The following STAB2 variants were observed in gnomAD, a reference collection of about 807,000 sequenced individuals.
The protein encoded by STAB2 is stabilin 2.
In STAB2, 288 loss-of-function variants were observed where a neutral mutation model predicts 338.1. The observed-to-expected ratio is 0.85, with a 90% CI of 0.77 to 0.94. The LOEUF (loss-of-function observed/expected upper bound fraction) is 0.94, where lower values mean the gene tolerates loss of function less well. STAB2 is among the 40% of genes least tolerant of loss of function. STAB2 has a pLI of 0.00. For missense variants in STAB2, 3,141 were observed against 3,210.1 expected (o/e 0.98, Z 0.52); for synonymous variants, 1,202 against 1,193.3 (o/e 1.01, Z -0.15).
intron 3 of STAB2, among the ~76,000 whole-genome samples, chr12:103,594,754 A>G (rs924700381): frequency 2.6e-5 from 4 of 152,216 alleles, no homozygotes; most frequent in Non-Finnish European, 5.9e-5. Context: ...GGACAATTGA[A>G]AGGATACCCA....
chr12:103,757,715 G>A (rs1884237773), intron 63 of STAB2, among the ~76,000 whole-genome samples: 1 of 152,250 alleles, frequency 6.6e-6, no homozygotes, highest in Non-Finnish European at 1.5e-5. Context: ...TGCCAGGCAA[G>A]TCTGAGGAAG....
chr12:103,766,093 C>T (rs1209002741), intron 68 of STAB2, 193 bp from the exon 69 acceptor site: 7 of 734,708 alleles, frequency 9.5e-6, no homozygotes, highest in Middle Eastern at 2.3e-4. Context: ...GCAGGAGAGA[C>T]TAAAACAGGT....
intron 31 of STAB2, among the ~76,000 whole-genome samples, chr12:103,693,820 G>C (rs1314509392): frequency 6.6e-6 from 1 of 152,040 alleles, no homozygotes; most frequent in Admixed American, 6.6e-5. Flanking sequence ...TTGTAAGATG[G>C]AAGATCAGAA....
intron 65 of STAB2, among the ~76,000 whole-genome samples, chr12:103,760,508 G>T (rs1351100742): frequency 6.6e-6 from 1 of 152,194 alleles, no homozygotes; most frequent in African/African-American, 2.4e-5. Flanking sequence ...TGACATGCCT[G>T]CCTCGGCCTT....
At chr12:103,587,783 C>G (rs951108956) in intron 1 of STAB2, among the ~76,000 whole-genome samples, 1 of 152,218 alleles carries the variant, frequency 6.6e-6, no homozygotes, top group African/African-American at 2.4e-5. Flanking sequence ...CTGTTGGGAC[C>G]TCTAATCTTA....
In STAB2 at chr12:103,750,697, A is replaced by C; in HGVS notation, c.6557A>C (p.Lys2186Thr). Residue 2186 changes from lysine to threonine, a missense_variant, in exon 60 of 69, where the codon AAA becomes ACA. Lys to Thr is a moderately conservative substitution (Grantham distance 78). Coordinates refer to ENST00000388887, the MANE Select transcript of STAB2 (RefSeq NM_017564.10). ...QDNGQCHADA[K>T]CVDLHFQDTT... is the part of the protein sequence containing the mutation. ...AATGGGCAGTGCCATGCAGACGCCA[A>C]ATGTGTCGACCTCCACTTCCAGGGT... is the stretch of plus-strand genomic sequence containing the variant. The C allele has an allele frequency of 6.2e-7, 1 of 1,613,978 alleles. No individual in the cohort carries two copies. The highest frequency in any genetic ancestry group is 1.1e-5 in the South Asian group (1 of 91,074).
intron 38 of STAB2, among the ~76,000 whole-genome samples, chr12:103,708,111 A>G (rs1343738985): frequency 6.6e-6 from 1 of 152,154 alleles, no homozygotes; most frequent in Non-Finnish European, 1.5e-5. Flanking sequence ...CGTGGTTCCA[A>G]TCAAAGGAGC....
intron 22 of STAB2, 36 bp from the exon 23 acceptor site, chr12:103,673,871 A>G (rs1029675624): frequency 6.9e-6 from 11 of 1,587,636 alleles, no homozygotes; most frequent in Non-Finnish European, 7.7e-6. Flanking sequence ...CTTGTCCCCA[A>G]GGCCTGGACG....
intron 27 of STAB2, among the ~76,000 whole-genome samples, chr12:103,685,422 C>CTGTGTG (rs141365936): frequency 0.029 from 4,166 of 145,808 alleles, 74 homozygotes; most frequent in East Asian, 0.067. Flanking sequence ...CTTACCCATG[C>CTGTGTG]TGTGTGTGTG....
intron 3 of STAB2, among the ~76,000 whole-genome samples, chr12:103,603,426 C>G (rs1956983686): frequency 3.9e-5 from 6 of 152,158 alleles, no homozygotes; most frequent in South Asian, 4.1e-4. Context: ...CATTTCTTTG[C>G]ATATAGATAA....
At position 103,715,820 on chromosome 12, in the gene STAB2, A is replaced by T; in HGVS notation, c.4543A>T (p.Asn1515Tyr). Reference protein sequence around the residue: ...TGDGIVCLEINPCLENHGGCD... With the variant: ...TGDGIVCLEIYPCLENHGGCD... ...GTTGGCTTTTTGTTTTAAAGAAATC[A>T]ACCCGTGTTTGGAGAACCATGGTGG... Residue 1515 changes from asparagine (N) to tyrosine (Y), a missense_variant, in exon 43 of 69, where the codon AAC becomes TAC. Coordinates refer to ENST00000388887, the MANE Select transcript of STAB2 (RefSeq NM_017564.10). The T allele has an allele frequency of 1.2e-6, 2 of 1,614,110 alleles. No individual in the cohort carries two copies. The highest frequency in any genetic ancestry group is 8.5e-7 in the Non-Finnish European group (1 of 1,179,986).
At chr12:103,750,847 T>C in intron 60 of STAB2, 127 bp downstream of exon 60, 3 of 1,307,634 alleles carry the variant, frequency 2.3e-6, no homozygotes, top group African/African-American at 1.5e-5. Context: ...TCCCAATACT[T>C]TGGGAGGCCA....
At chr12:103,697,894 G>A (rs1313550374) in intron 33 of STAB2, among the ~76,000 whole-genome samples, 1 of 152,192 alleles carries the variant, frequency 6.6e-6, no homozygotes, top group Non-Finnish European at 1.5e-5. Flanking sequence ...TTCAGCTGGT[G>A]CTGGTGTCTT....
chr12:103,735,539 G>C lies in STAB2; in HGVS notation c.5509G>C (p.Gly1837Arg), dbSNP rs1295336066. Residue 1837 changes from glycine (G) to arginine (R), a missense_variant, in exon 52 of 69, where the codon GGT becomes CGT. Physicochemically the swap from Gly to Arg is moderately radical, Grantham distance 125 (BLOSUM62 -2). Coordinates refer to ENST00000388887, the MANE Select transcript of STAB2 (RefSeq NM_017564.10). ...ATCCACTGCCTGGAAGACCCTGCAA[G>C]GTTCAGAGCTGAGTGTGAAATGTGG... ...PTSTAWKTLQ[G>R]SELSVKCGAG... 1 of 1,611,560 alleles carries C rather than the reference G, an allele frequency of 6.2e-7. No individual in the cohort carries two copies.
At chr12:103,650,332 T>C (rs944661440) in intron 10 of STAB2, among the ~76,000 whole-genome samples, 164 bp from the exon 11 acceptor site, 1 of 152,158 alleles carries the variant, frequency 6.6e-6, no homozygotes, top group Non-Finnish European at 1.5e-5. Flanking sequence ...TGCCTTACAT[T>C]CTTAGAGAGA....
intron 9 of STAB2, among the ~76,000 whole-genome samples, chr12:103,646,388 A>G (rs770004821): frequency 2.6e-5 from 4 of 152,114 alleles, no homozygotes; most frequent in South Asian, 2.1e-4. Context: ...CCTCTAGGTC[A>G]CTGTTGTCAT....
intron 42 of STAB2, among the ~76,000 whole-genome samples, chr12:103,715,477 C>T (rs1208089445): frequency 6.6e-6 from 1 of 152,124 alleles, no homozygotes; most frequent in Non-Finnish European, 1.5e-5. Context: ...TTTTTAATTC[C>T]TAAGTCTCTT....
At position 103,668,698 on chromosome 12, in the gene STAB2, G is replaced by A. The variant is rs901531395; in HGVS notation, c.2141G>A (p.Gly714Asp). The A allele has an allele frequency of 1.3e-6, 2 of 1,550,290 alleles. No homozygotes were observed. The highest frequency in any genetic ancestry group is 2.0e-5 in the Admixed American group (1 of 50,974). The change falls in exon 20 of 69, where the codon GGC becomes GAC. Residue 714 changes from glycine to aspartate, a missense_variant. Transcript: ENST00000388887. ...YSGRFGSLKSGCARYCNATVK... is the reference protein window; with the variant it reads ...YSGRFGSLKSDCARYCNATVK... ...GGCAGGTTTGGGAGCCTGAAGAGCG[G>A]CTGTGCCCGGTACTGCAATGCCACT...
chr12:103,702,064 A>G (rs1878928616), intron 34 of STAB2, among the ~76,000 whole-genome samples: 1 of 150,896 alleles, frequency 6.6e-6, no homozygotes, highest in African/African-American at 2.4e-5. Context: ...TTCCAGTTAT[A>G]TATGTGTTAT....
Sources: allele counts gnomAD v4.1 joint callset (sites outside exome capture counted in the v4.1 genomes callset), GRCh38; gene constraint gnomAD v4.1.1; transcripts MANE v1.5; gene names NCBI Gene and HGNC (gene_info 2026-07-23, HGNC 2026-07-21).